CRISPLD2: variants seen among roughly 807,000 people sequenced by gnomAD.
CRISPLD2 encodes the protein cysteine rich secretory protein LCCL domain containing 2.
Under a neutral mutation model 71.1 loss-of-function variants are expected in CRISPLD2, and 47 were observed. That is an observed-to-expected ratio of 0.66 (90% CI 0.52 to 0.84). CRISPLD2 has a LOEUF of 0.84. Ranked by LOEUF, CRISPLD2 falls within the 40% of genes least tolerant of loss-of-function variation. The pLI, the probability that CRISPLD2 is intolerant of heterozygous loss-of-function variation, is 0.00. For synonymous variants in CRISPLD2, 317 were observed against 250.1 expected (o/e 1.27, Z -2.52); for missense variants, 830 against 651.1 (o/e 1.27, Z -2.99).
rs1477090902 is a variant in CRISPLD2 at position 84,849,456 on chromosome 16, G to A, written c.431G>A (p.Ser144Asn). The change falls in exon 4 of 15, where the codon AGC (serine) becomes AAC (asparagine). Residue 144 changes from serine to asparagine, a missense_variant. Physicochemically the swap from Ser to Asn is conservative, Grantham distance 46. Coordinates refer to ENST00000262424, the MANE Select transcript of CRISPLD2 (RefSeq NM_031476.4). ...AAGGACTACACCTACCCCTACCCGA[G>A]CGAGTGCAACCCCTGGTGTCCAGAG... ...EVKDYTYPYP[S>N]ECNPWCPERC... 3.1e-6 allele frequency: 5 copies of A among 1,614,068 alleles called. No homozygotes were observed. Among genetic ancestry groups the A allele is most frequent in the East Asian group, 2.2e-5 (1 of 44,902 alleles).
At chr16:84,879,416 G>A (rs9934101) in intron 12 of CRISPLD2, among the ~76,000 whole-genome samples, 3,008 of 148,368 alleles carry the variant, frequency 0.02, 102 homozygotes, top group African/African-American at 0.071. Context: ...AGGTTGGAGT[G>A]CGGTGGTACA....
intron 4 of CRISPLD2, 81 bp from the exon 5 acceptor site, chr16:84,850,487 A>T (rs1337650177): frequency 2.0e-5 from 22 of 1,108,572 alleles, no homozygotes; most frequent in Non-Finnish European, 2.8e-5. Flanking sequence ...TAGTGCCAGC[A>T]CCTTATACAT....
intron 1 of CRISPLD2, among the ~76,000 whole-genome samples, chr16:84,821,434 G>T (rs775699682): frequency 6.6e-6 from 1 of 152,164 alleles, no homozygotes; most frequent in Non-Finnish European, 1.5e-5. Flanking sequence ...TATTGTCATC[G>T]CTGCAACACC....
chr16:84,854,617 C>T (rs561058435), intron 5 of CRISPLD2, 112 bp from the exon 6 acceptor site: 15 of 770,206 alleles, frequency 1.9e-5, no homozygotes, highest in Middle Eastern at 3.3e-4. Flanking sequence ...AACCTTCCCC[C>T]CTGACCTGTC....
intron 1 of CRISPLD2, among the ~76,000 whole-genome samples, chr16:84,824,377 G>T (rs1220005281): frequency 6.6e-6 from 1 of 152,326 alleles, no homozygotes; most frequent in East Asian, 1.9e-4. Context: ...ACTCTAGAAT[G>T]AACTGTGTCC....
rs377056735 is a variant in CRISPLD2, at chr16:84,878,093, G to C, written c.1229+583G>C. Among the ~76,000 whole-genome samples the C allele has an allele frequency of 7.2e-3, 1,092 of 151,878 alleles. 17 individuals carry two copies. The highest frequency in any genetic ancestry group is 0.025 in the African/African-American group (1,036 of 41,424). ...AAAAAAATTAGCCGGGCGTGGTGGC[G>C]GGCGCCTGTATTCCCAGCTACTCGG... On this transcript the variant is annotated intron_variant, in intron 12 of 14. Coordinates refer to ENST00000262424, the MANE Select transcript of CRISPLD2 (RefSeq NM_031476.4).
intron 1 of CRISPLD2, among the ~76,000 whole-genome samples, chr16:84,831,788 G>A (rs1191027736): frequency 2.6e-5 from 4 of 152,170 alleles, no homozygotes; most frequent in South Asian, 2.1e-4. Flanking sequence ...AGGCGGGAGT[G>A]CAGAGGCACG....
intron 14 of CRISPLD2, among the ~76,000 whole-genome samples, chr16:84,906,221 C>G (rs1013648453): frequency 6.6e-6 from 1 of 151,978 alleles, no homozygotes; most frequent in Non-Finnish European, 1.5e-5. Flanking sequence ...GAGATAGCAC[C>G]TGTTCATCTC....
intron 10 of CRISPLD2, 55 bp from the exon 11 acceptor site, chr16:84,873,865 C>T: frequency 1.3e-6 from 2 of 1,481,746 alleles, no homozygotes; most frequent in Non-Finnish European, 1.8e-6. Flanking sequence ...CTTTTAGAAG[C>T]AATTCTATTT....
chr16:84,902,937 T>C (rs1313798171), intron 14 of CRISPLD2, among the ~76,000 whole-genome samples: 1 of 151,804 alleles, frequency 6.6e-6, no homozygotes, highest in Non-Finnish European at 1.5e-5. Context: ...CACAGCCAGC[T>C]AATTTTTGTA....
rs189323757 is a variant in CRISPLD2 at position 84,896,407 on chromosome 16, C to G, written c.1439+7044C>G. 7.7e-4 allele frequency among the ~76,000 whole-genome samples: 117 copies of G among 152,244 alleles called. 1 individual carries two copies. The highest frequency in any genetic ancestry group is 2.8e-3 in the African/African-American group (117 of 41,540). On this transcript the variant is annotated intron_variant, in intron 14 of 14. Coordinates refer to ENST00000262424, the MANE Select transcript of CRISPLD2 (RefSeq NM_031476.4). ...ATAGAGAGAGACACACACACACAGACACATACACATATACAGACAGTCTTA... is the reference window on the plus strand; with the variant it reads ...ATAGAGAGAGACACACACACACAGAGACATACACATATACAGACAGTCTTA...
intron 6 of CRISPLD2, among the ~76,000 whole-genome samples, chr16:84,863,460 A>T (rs1046329959): frequency 1.3e-5 from 2 of 152,162 alleles, no homozygotes; most frequent in African/African-American, 4.8e-5. Flanking sequence ...TGGAGCAGGG[A>T]TAAGGATATA....
At chr16:84,890,782 C>G (rs2071654830) in intron 14 of CRISPLD2, among the ~76,000 whole-genome samples, 1 of 151,948 alleles carries the variant, frequency 6.6e-6, no homozygotes, top group Non-Finnish European at 1.5e-5. Flanking sequence ...GCAACAAGAG[C>G]AAAACTCTGT....
rs1413177935 is a variant in CRISPLD2 at position 84,849,525 on chromosome 16, G to A, written c.492+8G>A. ...TGCACGCACTACACACAGGTAACTCGGGGACTTGCCACGACCTCAGCCCTG... is the reference window on the plus strand; with the variant it reads ...TGCACGCACTACACACAGGTAACTCAGGGACTTGCCACGACCTCAGCCCTG... On this transcript the variant is annotated splice_region_variant and intron_variant, in intron 4 of 14. Coordinates refer to ENST00000262424, the MANE Select transcript of CRISPLD2 (RefSeq NM_031476.4). 3 of 1,612,922 alleles carry A rather than the reference G, an allele frequency of 1.9e-6. No homozygotes were observed. Among genetic ancestry groups the A allele is most frequent in the Non-Finnish European group, 2.5e-6 (3 of 1,179,234 alleles).
intron 6 of CRISPLD2, among the ~76,000 whole-genome samples, chr16:84,865,581 A>G (rs976126098): frequency 1.3e-5 from 2 of 152,190 alleles, no homozygotes; most frequent in African/African-American, 4.8e-5. Context: ...TGGAGGCCAC[A>G]GGTTTCCAAC....
chr16:84,884,587 ATGCCT>A (rs2071595986), intron 13 of CRISPLD2, among the ~76,000 whole-genome samples: 1 of 152,128 alleles, frequency 6.6e-6, no homozygotes, highest in Non-Finnish European at 1.5e-5. Context: ...GAGGAATTGG[ATGCCT>A]TGTCCCTTTT....
chr16:84,893,506 C>T (rs768494015), intron 14 of CRISPLD2, among the ~76,000 whole-genome samples: 1 of 152,198 alleles, frequency 6.6e-6, no homozygotes, highest in Non-Finnish European at 1.5e-5. Flanking sequence ...GGAGCGCTGA[C>T]GATGTCCCTG....
Position 84,838,670 on chromosome 16 carries a change from A to T in CRISPLD2, c.175A>T (p.Ile59Phe). Reference protein sequence around the residue: ...RAIPREDKEEILMLHNKLRGQ... With the variant: ...RAIPREDKEEFLMLHNKLRGQ... ...CATCCCCAGGGAGGACAAGGAGGAG[A>T]TCCTCATGCTGCACAACAAGCTTCG... The change falls in exon 2 of 15, where the codon ATC becomes TTC. Residue 59 changes from isoleucine (I) to phenylalanine (F), a missense_variant. By Grantham distance (21) the Ile-to-Phe change is conservative. Coordinates refer to ENST00000262424, the MANE Select transcript of CRISPLD2 (RefSeq NM_031476.4). The T allele has an allele frequency of 6.2e-7, 1 of 1,614,204 alleles. No individual in the cohort carries two copies. Among genetic ancestry groups the T allele is most frequent in the Non-Finnish European group, 8.5e-7 (1 of 1,180,036 alleles).
chr16:84,868,820 C>A (rs772363922), intron 7 of CRISPLD2, 31 bp from the exon 8 acceptor site: 7 of 1,594,280 alleles, frequency 4.4e-6, no homozygotes, highest in Non-Finnish European at 6.0e-6. Flanking sequence ...GGTTTCGTGC[C>A]GTGACATGTA....
Sources: allele counts gnomAD v4.1 joint callset (sites outside exome capture counted in the v4.1 genomes callset), GRCh38; gene constraint gnomAD v4.1.1; transcripts MANE v1.5; gene names NCBI Gene and HGNC (gene_info 2026-07-23, HGNC 2026-07-21).